DNAH6: variants seen among roughly 807,000 people sequenced by gnomAD.
The protein encoded by DNAH6 is axonemal beta dynein heavy chain 6.
In DNAH6, 340 loss-of-function variants were observed where a neutral mutation model predicts 491.4. That is an observed-to-expected ratio of 0.69 (90% confidence interval 0.63 to 0.76). DNAH6 has a LOEUF of 0.76. Among genes scored for constraint, DNAH6 ranks in the 30% least tolerant of loss-of-function variants. The probability of loss-of-function intolerance (pLI) is 0.00; values close to 1 mark genes in which losing one functional copy is unlikely to be tolerated. For synonymous variants in DNAH6, 1,603 were observed against 1,686.1 expected (o/e 0.95, Z 1.21); for missense variants, 4,443 against 4,972.2 (o/e 0.89, Z 3.20).
intron 41 of DNAH6, among the ~76,000 whole-genome samples, 164 bp downstream of exon 41, chr2:84,677,300 G>T (rs1295820763): frequency 6.6e-6 from 1 of 152,172 alleles, no homozygotes. Flanking sequence ...TAGCTGGCAG[G>T]CATTTGCATC....
rs189863210 is a variant in DNAH6, at chr2:84,589,633, G to T, written c.2610+679G>T. Among the ~76,000 whole-genome samples, 196 of 149,636 alleles carry T rather than the reference G, an allele frequency of 1.3e-3. 1 individual carries two copies. The highest frequency in any genetic ancestry group is 3.5e-3 in the Middle Eastern group (1 of 286). The stretch of plus-strand genomic sequence containing the variant: ...AGGCTAAACGGGGAGGATCATTTGA[G>T]CCCAGGAGGCGGAGGTTGCGGTGAG... On this transcript the variant is annotated intron_variant, in intron 16 of 76. Coordinates refer to ENST00000389394, the MANE Select transcript of DNAH6 (RefSeq NM_001370.2).
chr2:84,595,528 C>T lies in DNAH6; in HGVS notation c.2725-118C>T, dbSNP rs1326224493. 3 of 885,664 alleles carry T rather than the reference C, an allele frequency of 3.4e-6. No homozygotes were observed. The Admixed American group carries it at 9.3e-5, about 27-fold the overall frequency. 54.9% of individuals were successfully genotyped at this position (885,664 alleles called of 1,614,324 possible). On this transcript the variant is annotated intron_variant, in intron 17 of 76. Coordinates refer to ENST00000389394, the MANE Select transcript of DNAH6 (RefSeq NM_001370.2). ...GTTATTAGCAATTTAATAAGTAAAG[C>T]CATTTCCAAAAGCATAGTGTAGATT...
chr2:84,627,733 T>C (rs1688016586), intron 29 of DNAH6, among the ~76,000 whole-genome samples: 1 of 152,172 alleles, frequency 6.6e-6, no homozygotes, highest in South Asian at 2.1e-4. Flanking sequence ...ATTTTATTGC[T>C]TCTTTGCTTA....
At chr2:84,796,810 A>G (rs1678400427) in intron 69 of DNAH6, among the ~76,000 whole-genome samples, 2 of 152,200 alleles carry the variant, frequency 1.3e-5, no homozygotes, top group African/African-American at 4.8e-5. Context: ...CAGCCTGGGC[A>G]ACATAACAAG....
At chr2:84,779,523 T>C (rs1425043803) in intron 64 of DNAH6, among the ~76,000 whole-genome samples, 1 of 152,224 alleles carries the variant, frequency 6.6e-6, no homozygotes, top group Non-Finnish European at 1.5e-5. Flanking sequence ...TTTGAGCCTA[T>C]TGGTTTTGTT....
chr2:84,529,383 C>CTAA (rs1282607985), intron 4 of DNAH6, among the ~76,000 whole-genome samples: 5 of 151,950 alleles, frequency 3.3e-5, no homozygotes, highest in Non-Finnish European at 7.4e-5. Flanking sequence ...CACTACTGAG[C>CTAA]TTCTCATATA....
chr2:84,797,994 A>C (rs1297725748), intron 70 of DNAH6, among the ~76,000 whole-genome samples: 2 of 152,216 alleles, frequency 1.3e-5, no homozygotes, highest in Non-Finnish European at 2.9e-5. Flanking sequence ...CCCTTCTTCT[A>C]CCAGGCTGGG....
chr2:84,619,905 G>T lies in DNAH6; in HGVS notation c.3792+1G>T. The T allele has an allele frequency of 1.3e-6, 2 of 1,548,444 alleles. No individual in the cohort carries two copies. Among genetic ancestry groups the T allele is most frequent in the Non-Finnish European group, 1.7e-6 (2 of 1,144,482 alleles). ...AATGCTGTCACCAGAGGGAGAAAGG[G>T]TGAGGTGCTTTTATTTATATTTCTT... On this transcript the variant is annotated splice_donor_variant, in intron 24 of 76. Coordinates refer to ENST00000389394, the MANE Select transcript of DNAH6 (RefSeq NM_001370.2). LOFTEE classifies it high-confidence loss of function.
At chr2:84,473,603 A>G in the DNAH6 span, among the ~76,000 whole-genome samples, 1 of 152,260 alleles carries the variant, frequency 6.6e-6, no homozygotes, top group South Asian at 2.1e-4. Flanking sequence ...GTAAAGTAGA[A>G]AAGAGGTGAG....
intron 43 of DNAH6, 138 bp from the exon 44 acceptor site, chr2:84,686,346 A>G: frequency 1.7e-6 from 1 of 572,082 alleles, no homozygotes. Flanking sequence ...TGGAGTTAAC[A>G]CAGTATTCTC....
At chr2:84,682,920 A>C (rs573301327) in intron 42 of DNAH6, among the ~76,000 whole-genome samples, 3 of 152,042 alleles carry the variant, frequency 2.0e-5, no homozygotes, top group Non-Finnish European at 4.4e-5. Flanking sequence ...GCCTGTGTTG[A>C]GTCTCTGTGT....
intron 69 of DNAH6, 30 bp downstream of exon 69, chr2:84,796,455 G>A: frequency 6.8e-7 from 1 of 1,473,822 alleles, no homozygotes; most frequent in South Asian, 1.4e-5. Flanking sequence ...TACAGAAAAG[G>A]CCTTTCCCAA....
the DNAH6 span, among the ~76,000 whole-genome samples, chr2:84,473,245 C>T: frequency 3.9e-5 from 6 of 152,162 alleles, no homozygotes; most frequent in Non-Finnish European, 8.8e-5. Context: ...TTAACATAGG[C>T]TTGTTGAATT....
the DNAH6 span, among the ~76,000 whole-genome samples, chr2:84,490,771 ATGC>A: frequency 6.6e-6 from 1 of 152,190 alleles, no homozygotes; most frequent in South Asian, 2.1e-4. Context: ...CATGTTGGCC[ATGC>A]TGGTCTCAAA....
rs1192395 is a variant in DNAH6, at chr2:84,797,607, C to A, written c.11430C>A (p.Ile3810=). The A allele has an allele frequency of 5.8e-6, 9 of 1,551,232 alleles. No homozygotes were observed. In the Admixed American group the frequency reaches 7.8e-5, roughly 14 times the overall value. ...FKDYIENLPL[I]DDPEIFGMHE... ...ACTACATTGAAAATCTGCCTTTGATCGATGACCCAGAAATTTTTGGAATGC... is the reference window on the plus strand; with the variant it reads ...ACTACATTGAAAATCTGCCTTTGATAGATGACCCAGAAATTTTTGGAATGC... The change falls in exon 70 of 77, where the codon ATC becomes ATA. Residue 3810 remains isoleucine (I), a synonymous_variant. Transcript: ENST00000389394.
intron 32 of DNAH6, 22 bp from the exon 33 acceptor site, chr2:84,641,925 C>G: frequency 6.5e-7 from 1 of 1,530,368 alleles, no homozygotes; most frequent in Non-Finnish European, 8.8e-7. Context: ...TGATATTATC[C>G]GAAATATTCC....
chr2:84,562,727 G>C (rs924992494), intron 11 of DNAH6, among the ~76,000 whole-genome samples: 2 of 152,172 alleles, frequency 1.3e-5, no homozygotes, highest in Non-Finnish European at 2.9e-5. Flanking sequence ...GGAGTCACAC[G>C]GGAGGCACTT....
chr2:84,817,123 C>G (rs1011779387), intron 76 of DNAH6, among the ~76,000 whole-genome samples: 11 of 151,242 alleles, frequency 7.3e-5, no homozygotes, highest in African/African-American at 2.7e-4. Context: ...TAGCAACCTA[C>G]AAGTAATCAA....
chr2:84,767,585 A>G (rs542198395), intron 64 of DNAH6, among the ~76,000 whole-genome samples: 4 of 152,218 alleles, frequency 2.6e-5, no homozygotes, highest in African/African-American at 9.6e-5. Context: ...TATATATAAA[A>G]CTGAAAGTAA....
Sources: gnomAD v4.1 joint callset for allele counts (sites outside exome capture counted in the v4.1 genomes callset) on GRCh38, gnomAD v4.1.1 for gene constraint, MANE v1.5 for transcripts, NCBI Gene and HGNC (gene_info 2026-07-23, HGNC 2026-07-21) for gene names.